ASPH: variants seen among roughly 807,000 people sequenced by gnomAD.
The protein encoded by ASPH is aspartate beta-hydroxylase, also known as aspartyl/asparaginyl beta-hydroxylase.
Under a neutral mutation model 118.4 loss-of-function variants are expected in ASPH, and 100 were observed. The ratio of observed to expected loss-of-function variants is 0.84; its 90% CI spans 0.72 to 1.00. The LOEUF (loss-of-function observed/expected upper bound fraction) is 1.00. ASPH is among the 50% of genes least tolerant of loss of function. The pLI, the probability that ASPH is intolerant of heterozygous loss-of-function variation, is 0.00. For missense variants in ASPH, 920 were observed against 919.5 expected (o/e 1.00, Z -0.01); for synonymous variants, 315 against 325.6 (o/e 0.97, Z 0.35).
intron 13 of ASPH, among the ~76,000 whole-genome samples, chr8:61,630,094 C>A (rs971108478): frequency 6.6e-6 from 1 of 152,088 alleles, no homozygotes; most frequent in Non-Finnish European, 1.5e-5. Flanking sequence ...TAGATGGAGG[C>A]AATGGTGATA....
At position 61,653,617 on chromosome 8, in the gene ASPH, T is replaced by C. The variant is rs778605038; in HGVS notation, c.366A>G (p.Glu122=). 5.6e-6 allele frequency: 9 copies of C among 1,613,858 alleles called. No homozygotes were observed. In the African/African-American group the frequency reaches 1.2e-4, roughly 22 times the overall value. ...CGGGCTCAGTGTGTGGCTCAGCCTC[T>C]TCTGGCGGGACTGCTGGCTCTGAAG... ...RSTSEPAVPP[E]EAEPHTEPEE... is the part of the protein sequence containing the mutation. Residue 122 remains glutamate (E), a synonymous_variant, in exon 4 of 25, where the codon GAA becomes GAG. Coordinates refer to ENST00000379454, the MANE Select transcript of ASPH (RefSeq NM_004318.4).
intron 14 of ASPH, among the ~76,000 whole-genome samples, chr8:61,590,936 G>A (rs1840932897): frequency 6.6e-6 from 1 of 151,848 alleles, no homozygotes; most frequent in Non-Finnish European, 1.5e-5. Flanking sequence ...TCTCTCCTAT[G>A]GTCATATAAC....
At chr8:61,550,347 C>G (rs943453496) in intron 20 of ASPH, among the ~76,000 whole-genome samples, 1 of 152,038 alleles carries the variant, frequency 6.6e-6, no homozygotes, top group African/African-American at 2.4e-5. Flanking sequence ...GTAAGAGCCC[C>G]TGGGCCACAT....
intron 14 of ASPH, among the ~76,000 whole-genome samples, chr8:61,596,732 T>C (rs1254867105): frequency 1.3e-5 from 2 of 152,226 alleles, no homozygotes; most frequent in African/African-American, 4.8e-5. Context: ...TAGATACTTC[T>C]ACAGCAAAAA....
At chr8:61,676,105 A>T in intron 3 of ASPH, 1 of 1,599,466 alleles carries the variant, frequency 6.3e-7, no homozygotes, top group Non-Finnish European at 8.5e-7. Flanking sequence ...ATATGACACA[A>T]GTCTTTCCCT....
Position 61,526,164 on chromosome 8 carries a change from C to T in ASPH, c.1765-52G>A, listed in dbSNP as rs768924739. 5 of 1,603,558 alleles carry T rather than the reference C, an allele frequency of 3.1e-6. No individual in the cohort carries two copies. The African/African-American group carries it at 5.4e-5, about 17-fold the overall frequency. On this transcript the variant is annotated intron_variant, in intron 21 of 24. Transcript: ENST00000379454. Reference sequence around the variant, plus strand: ...GACTGAAAAAGGGCCTGGTGGAGCACCTCATAATGACTCTTGTTTTTTTTG... The same window carrying T: ...GACTGAAAAAGGGCCTGGTGGAGCATCTCATAATGACTCTTGTTTTTTTTG...
chr8:61,624,951 T>G, intron 13 of ASPH: 1 of 985,148 alleles, frequency 1.0e-6, no homozygotes. Context: ...CGAGTACCCA[T>G]GCAGGACTCA....
intron 24 of ASPH, among the ~76,000 whole-genome samples, chr8:61,508,339 AAG>A (rs80313943): frequency 0.53 from 80,626 of 151,884 alleles, 25,477 homozygotes; most frequent in Non-Finnish European, 0.7. Context: ...TCTTACCACT[AAG>A]AGAAGAAAGT....
At position 61,579,421 on chromosome 8, in the gene ASPH, G is replaced by A. The variant is rs572433942; in HGVS notation, c.1063-2563C>T. On this transcript the variant is annotated intron_variant, in intron 15 of 24. Coordinates refer to ENST00000379454, the MANE Select transcript of ASPH (RefSeq NM_004318.4). Reference sequence around the variant, plus strand: ...AAGCTGCTGGAGGGCAAAGAGAGCCGGCTGAAGTCTGGGATGCAGAACATG... The same window carrying A: ...AAGCTGCTGGAGGGCAAAGAGAGCCAGCTGAAGTCTGGGATGCAGAACATG... 9.9e-5 allele frequency: 159 copies of A among 1,613,048 alleles called. 3 individuals carry two copies. Among genetic ancestry groups the A allele is most frequent in the South Asian group, 9.0e-4 (82 of 91,060 alleles).
intron 14 of ASPH, among the ~76,000 whole-genome samples, chr8:61,603,345 C>T (rs867191025): frequency 2.0e-5 from 3 of 151,962 alleles, no homozygotes; most frequent in Middle Eastern, 3.4e-3. Flanking sequence ...GGGACCTAAA[C>T]AAGGTCCAAA....
chr8:61,555,774 T>G (rs1455396140), intron 19 of ASPH, 150 bp downstream of exon 19: 1 of 618,638 alleles, frequency 1.6e-6, no homozygotes, highest in African/African-American at 1.9e-5. Context: ...AGGCCCACGC[T>G]GCTTATGAAT....
chr8:61,517,940 G>A lies in ASPH; in HGVS notation c.1992+92C>T, dbSNP rs1400583046. 5 of 1,335,556 alleles carry A rather than the reference G, an allele frequency of 3.7e-6. No homozygotes were observed. In the East Asian group the frequency reaches 1.2e-4, roughly 31 times the overall value. 82.7% of individuals were successfully genotyped at this position (1,335,556 alleles called of 1,614,324 possible). Reference sequence around the variant, plus strand: ...GGCATGTAAAAAGAGGCATTCATTGGGCCAAAGGAAACAACCATTTCTTTG... The same window carrying A: ...GGCATGTAAAAAGAGGCATTCATTGAGCCAAAGGAAACAACCATTTCTTTG... On this transcript the variant is annotated intron_variant, in intron 23 of 24. Coordinates refer to ENST00000379454, the MANE Select transcript of ASPH (RefSeq NM_004318.4).
At chr8:61,665,156 C>T (rs1217304004) in intron 3 of ASPH, 3 of 1,491,730 alleles carry the variant, frequency 2.0e-6, no homozygotes, top group Admixed American at 2.5e-5. Context: ...TTTACACACC[C>T]TCACCAATCA....
chr8:61,550,717 G>C (rs1233238536), intron 20 of ASPH, among the ~76,000 whole-genome samples: 2 of 152,212 alleles, frequency 1.3e-5, no homozygotes, highest in African/African-American at 4.8e-5. Flanking sequence ...ATGTTATTTT[G>C]CATGGTAGGC....
intron 1 of ASPH, among the ~76,000 whole-genome samples, chr8:61,686,683 A>G (rs1589196617): frequency 6.6e-6 from 1 of 152,288 alleles, no homozygotes; most frequent in South Asian, 2.1e-4. Context: ...TACTCTAAAT[A>G]TGGAATTATA....
Position 61,622,297 on chromosome 8 carries a change from C to G in ASPH, c.935-3278G>C, listed in dbSNP as rs867022745. Among the ~76,000 whole-genome samples the G allele has an allele frequency of 2.0e-5, 3 of 152,312 alleles. No individual in the cohort carries two copies. In the South Asian group the frequency reaches 6.2e-4, roughly 32 times the overall value. ...AGCTTATAGTGAGCCGAGATTGCAC[C>G]ACTGCACTCCAGTCTGGTGACAGGG... On this transcript the variant is annotated intron_variant, in intron 13 of 24. Transcript: ENST00000379454.
rs376536165 is a variant in ASPH at position 61,522,081 on chromosome 8, G to A, written c.1900+3896C>T. On this transcript the variant is annotated intron_variant, in intron 22 of 24. Coordinates refer to ENST00000379454, the MANE Select transcript of ASPH (RefSeq NM_004318.4). ...GTGGCATATTTTAATCACTGTTGGT[G>A]GCACTTATTAAGATAAGAGCAAAAT... Among the ~76,000 whole-genome samples the A allele has an allele frequency of 2.0e-5, 3 of 152,236 alleles. No individual in the cohort carries two copies. In the East Asian group the frequency reaches 5.8e-4, roughly 29 times the overall value.
At chr8:61,512,202 T>A (rs187389004) in intron 24 of ASPH, among the ~76,000 whole-genome samples, 106 of 152,154 alleles carry the variant, frequency 7.0e-4, no homozygotes, top group African/African-American at 2.5e-3. Flanking sequence ...AGCCGCCCTG[T>A]CCCCCTTCCC....
At chr8:61,711,955 C>T (rs1280370955) in intron 1 of ASPH, among the ~76,000 whole-genome samples, 1 of 152,052 alleles carries the variant, frequency 6.6e-6, no homozygotes, top group African/African-American at 2.4e-5. Flanking sequence ...ATGGAGACAG[C>T]CAGAAGAAAA....
Sources: gnomAD v4.1 joint callset for allele counts (sites outside exome capture counted in the v4.1 genomes callset) on GRCh38, gnomAD v4.1.1 for gene constraint, MANE v1.5 for transcripts, NCBI Gene and HGNC (gene_info 2026-07-23, HGNC 2026-07-21) for gene names.